Variants in DOCK2 observed in about 807,000 individuals in gnomAD.
DOCK2 encodes dedicator of cytokinesis 2, also known as dedicator of cytokinesis protein 2.
In DOCK2, 87 loss-of-function variants were observed where a neutral mutation model predicts 248.9. The observed-to-expected ratio is 0.35, with a 90% CI of 0.29 to 0.42. The LOEUF (loss-of-function observed/expected upper bound fraction) is 0.42, where lower values mean the gene tolerates loss of function less well. Among genes scored for constraint, DOCK2 ranks in the 10% least tolerant of loss-of-function variants. The pLI is 1.00. For synonymous variants in DOCK2, 805 were observed against 821.6 expected (o/e 0.98, Z 0.35); for missense variants, 1,747 against 2,300.2 (o/e 0.76, Z 4.92).
At chr5:169,761,284 G>T in intron 24 of DOCK2, 1 of 445,970 alleles carries the variant, frequency 2.2e-6, no homozygotes, top group Non-Finnish European at 4.1e-6. Flanking sequence ...CTTGGTACAC[G>T]GTAACTGCTC....
intron 33 of DOCK2, among the ~76,000 whole-genome samples, chr5:170,020,351 C>G (rs1755679296): frequency 1.3e-5 from 2 of 152,162 alleles, no homozygotes; most frequent in Non-Finnish European, 2.9e-5. Context: ...GTCTTTTCTC[C>G]CCATTCCTGT....
intron 27 of DOCK2, among the ~76,000 whole-genome samples, chr5:169,865,534 C>T (rs978359294): frequency 1.3e-5 from 2 of 152,196 alleles, no homozygotes; most frequent in African/African-American, 4.8e-5. Context: ...TCCCTCTGTC[C>T]TTAATTGTCT....
At chr5:169,712,275 G>T (rs77856207) in intron 17 of DOCK2, 52 bp downstream of exon 17, 1 of 1,555,724 alleles carries the variant, frequency 6.4e-7, no homozygotes, top group Non-Finnish European at 8.8e-7. Flanking sequence ...GGAAGAAAGG[G>T]GGTGATGGCA....
chr5:170,066,384 G>A (rs1757496409), intron 44 of DOCK2, among the ~76,000 whole-genome samples: 1 of 152,182 alleles, frequency 6.6e-6, no homozygotes, highest in African/African-American at 2.4e-5. Flanking sequence ...TACACCCAAT[G>A]TTGGAGCACC....
chr5:169,835,266 T>G (rs77584574), intron 26 of DOCK2, among the ~76,000 whole-genome samples: 6,156 of 149,204 alleles, frequency 0.041, 312 homozygotes, highest in African/African-American at 0.12. Flanking sequence ...CCTGGTTTTT[T>G]TTTTTTTTTT....
At chr5:169,745,006 C>T (rs1325867901) in intron 22 of DOCK2, among the ~76,000 whole-genome samples, 1 of 152,158 alleles carries the variant, frequency 6.6e-6, no homozygotes, top group African/African-American at 2.4e-5. Flanking sequence ...ACACAGTGGG[C>T]AGGTTCAATA....
intron 25 of DOCK2, among the ~76,000 whole-genome samples, chr5:169,780,731 TGAA>T (rs908357666): frequency 4.6e-5 from 7 of 152,166 alleles, no homozygotes; most frequent in African/African-American, 1.7e-4. Context: ...TATCGTCTAT[TGAA>T]GAAAACACTA....
intron 15 of DOCK2, among the ~76,000 whole-genome samples, chr5:169,708,905 T>C (rs576580384): frequency 6.6e-6 from 1 of 152,282 alleles, no homozygotes; most frequent in East Asian, 1.9e-4. Flanking sequence ...GGCAGTTCTG[T>C]GCATAGACCC....
intron 34 of DOCK2, among the ~76,000 whole-genome samples, chr5:170,032,236 C>T (rs558679974): frequency 6.6e-6 from 1 of 152,050 alleles, no homozygotes; most frequent in Non-Finnish European, 1.5e-5. Flanking sequence ...CCGTGGGAGC[C>T]AGGATTGTCT....
At chr5:170,027,682 C>T (rs1177333825) in intron 33 of DOCK2, among the ~76,000 whole-genome samples, 181 bp from the exon 34 acceptor site, 1 of 152,174 alleles carries the variant, frequency 6.6e-6, no homozygotes, top group Admixed American at 6.5e-5. Flanking sequence ...CTCCCCTTCA[C>T]TCTCTGGGCA....
chr5:170,065,652 T>C (rs1301589868), intron 44 of DOCK2, among the ~76,000 whole-genome samples: 1 of 152,226 alleles, frequency 6.6e-6, no homozygotes, highest in Non-Finnish European at 1.5e-5. Flanking sequence ...CTTACGTGGA[T>C]GGCAGCAGGC....
intron 30 of DOCK2, among the ~76,000 whole-genome samples, chr5:170,007,629 A>G (rs1755092091): frequency 6.6e-6 from 1 of 152,126 alleles, no homozygotes; most frequent in African/African-American, 2.4e-5. Flanking sequence ...CTGGTTCTGT[A>G]TCCTGTATCA....
intron 1 of DOCK2, among the ~76,000 whole-genome samples, chr5:169,649,647 A>C (rs1486773450): frequency 6.6e-6 from 1 of 152,012 alleles, no homozygotes; most frequent in Non-Finnish European, 1.5e-5. Flanking sequence ...TCTGGACTCC[A>C]CTCTAGGTTT....
At chr5:169,713,617 A>C (rs1761707350) in intron 17 of DOCK2, among the ~76,000 whole-genome samples, 1 of 152,188 alleles carries the variant, frequency 6.6e-6, no homozygotes, top group Admixed American at 6.5e-5. Flanking sequence ...TGAATGGCAA[A>C]ACAGGGTCCA....
intron 27 of DOCK2, among the ~76,000 whole-genome samples, chr5:169,896,297 T>C (rs1228416930): frequency 1.3e-5 from 2 of 152,168 alleles, no homozygotes; most frequent in Non-Finnish European, 2.9e-5. Flanking sequence ...CCGGGACCCC[T>C]TAAATCCCAT....
In DOCK2 at chr5:170,069,047, T is replaced by C. The variant is rs6868503; in HGVS notation, c.4645-90T>C. The C allele has an allele frequency of 0.49, 590,273 of 1,201,932 alleles. 150,643 individuals are homozygous for C. The highest frequency in any genetic ancestry group is 0.78 in the African/African-American group (51,769 of 66,326). The allele number at this position is 1,201,932 out of a possible 1,614,324, so 74.5% of individuals were successfully genotyped here. ...TGCCTGTGACCTCATCCTTGCCCCT[T>C]TCAAATTGAATCTTCTCCCAGTGCC... is the stretch of plus-strand genomic sequence containing the variant. On this transcript the variant is annotated intron_variant, in intron 45 of 51. Coordinates refer to ENST00000520908, the MANE Select transcript of DOCK2 (RefSeq NM_004946.3).
intron 26 of DOCK2, among the ~76,000 whole-genome samples, chr5:169,839,919 C>T (rs1047463128): frequency 6.6e-6 from 1 of 152,182 alleles, no homozygotes; most frequent in Admixed American, 6.5e-5. Flanking sequence ...CCTGTATAAC[C>T]AATTCCCTGC....
intron 9 of DOCK2, among the ~76,000 whole-genome samples, chr5:169,694,739 G>T (rs1182772694): frequency 6.6e-6 from 1 of 152,024 alleles, no homozygotes; most frequent in Non-Finnish European, 1.5e-5. Context: ...CAGCACTTTC[G>T]GAGGCTGATG....
At chr5:169,891,450 G>T (rs569125369) in intron 27 of DOCK2, among the ~76,000 whole-genome samples, 2 of 152,218 alleles carry the variant, frequency 1.3e-5, no homozygotes, top group East Asian at 3.9e-4. Context: ...TTAGATCTTG[G>T]GTAGAATCTT....
Sources: gnomAD v4.1 joint callset for allele counts (sites outside exome capture counted in the v4.1 genomes callset) on GRCh38, gnomAD v4.1.1 for gene constraint, MANE v1.5 for transcripts, NCBI Gene and HGNC (gene_info 2026-07-23, HGNC 2026-07-21) for gene names.